Variants in MAST4 observed in about 807,000 individuals in gnomAD.
MAST4 encodes microtubule-associated serine/threonine-protein kinase 4.
MAST4 carries 89 observed loss-of-function variants against 162.7 expected under a neutral mutation model. The ratio of observed to expected loss-of-function variants is 0.55; its 90% confidence interval spans 0.46 to 0.65. MAST4 has a LOEUF of 0.65. MAST4 is among the 30% of genes least tolerant of loss of function. MAST4 has a pLI of 0.00. For missense variants in MAST4, 3,153 were observed against 3,374.0 expected, an observed-to-expected ratio of 0.93 and a Z score of 1.62; for synonymous variants, 1,479 against 1,361.1, an observed-to-expected ratio of 1.09 and a Z score of -1.91.
intron 1 of MAST4, among the ~76,000 whole-genome samples, chr5:66,720,576 T>C (rs148081990): frequency 8.5e-5 from 13 of 152,314 alleles, no homozygotes; most frequent in African/African-American, 2.9e-4. Context: ...TTATTTCCTA[T>C]GTTGTATAAT....
Position 66,600,145 on chromosome 5 carries a change from C to G in MAST4, c.363+3127C>G, listed in dbSNP as rs559117190. ...AAAGTCTCACACACTTAAGTCTACC[C>G]TTTAAGCTTTTGGTGTCTTAAAAAC... On this transcript the variant is annotated intron_variant, in intron 1 of 28. Transcript: ENST00000403625. 3.9e-5 allele frequency among the ~76,000 whole-genome samples: 6 copies of G among 152,308 alleles called. No individual in the cohort carries two copies. In the East Asian group the frequency reaches 7.7e-4, roughly 20 times the overall value.
intron 4 of MAST4, among the ~76,000 whole-genome samples, chr5:66,995,888 T>TACACACACACACACACAC (rs34561453): frequency 2.7e-5 from 4 of 147,236 alleles, no homozygotes; most frequent in African/African-American, 1.0e-4. Context: ...CACACTCACA[T>TACACACACACACACACAC]ACACACACAC....
At position 66,792,000 on chromosome 5, in the gene MAST4, C is replaced by G. The variant is rs1340241409; in HGVS notation, c.642+3206C>G. Among the ~76,000 whole-genome samples the G allele has an allele frequency of 3.3e-5, 5 of 152,166 alleles. No individual in the cohort carries two copies. The East Asian group carries it at 7.7e-4, about 24-fold the overall frequency. On this transcript the variant is annotated intron_variant, in intron 3 of 28. Transcript: ENST00000403625. ...TAGTGACCTTTCCTGCTTTTGGTAC[C>G]ACTTGTCGAACCACACAGCTAAAGG...
At chr5:66,750,994 C>T (rs1050168909) in intron 1 of MAST4, among the ~76,000 whole-genome samples, 2 of 152,158 alleles carry the variant, frequency 1.3e-5, no homozygotes, top group Admixed American at 1.3e-4. Flanking sequence ...GACCCCTGAC[C>T]CCCAAGCAGC....
chr5:66,719,886 G>A (rs962568000), intron 1 of MAST4, among the ~76,000 whole-genome samples: 1 of 152,086 alleles, frequency 6.6e-6, no homozygotes, highest in African/African-American at 2.4e-5. Flanking sequence ...TTATGCTCGA[G>A]AATTTTCAAG....
chr5:66,914,139 C>CA lies in MAST4; in HGVS notation c.674+14167dup, dbSNP rs1031059713. ...TGTAGGATCAGTTTGTCAGCTTCTA[C>CA]AAAAAAAAAAGCCTGTTGATATTTT... On this transcript the variant is annotated intron_variant, in intron 4 of 28. Coordinates refer to ENST00000403625, the MANE Select transcript of MAST4 (RefSeq NM_001164664.2). Among the ~76,000 whole-genome samples the CA allele has an allele frequency of 2.8e-3, 397 of 142,024 alleles. 2 individuals carry two copies. Among genetic ancestry groups the CA allele is most frequent in the Middle Eastern group, 7.1e-3 (2 of 282 alleles). The allele number at this position is 142,024 out of a possible 152,430, so 93.2% of individuals were successfully genotyped here. A position where few individuals can be genotyped will look rare whatever the true frequency, so the allele number is the denominator to read the frequency against.
chr5:66,867,929 TGTC>T (rs1760649064), intron 3 of MAST4, among the ~76,000 whole-genome samples: 2 of 152,340 alleles, frequency 1.3e-5, no homozygotes, highest in South Asian at 4.1e-4. Flanking sequence ...GTCTGAAGGC[TGTC>T]ATTTAGAAAA....
At chr5:66,929,613 T>C (rs557578651) in intron 4 of MAST4, among the ~76,000 whole-genome samples, 14 of 152,338 alleles carry the variant, frequency 9.2e-5, no homozygotes, top group African/African-American at 3.4e-4. Flanking sequence ...GCTAAAAGGA[T>C]ATACTTATCA....
intron 4 of MAST4, chr5:66,986,519 G>C (rs1189495083): frequency 6.5e-7 from 1 of 1,527,522 alleles, no homozygotes; most frequent in East Asian, 2.4e-5. Context: ...CATATCCAAA[G>C]CTCATATTGT....
At chr5:67,013,810 T>C (rs991605763) in intron 4 of MAST4, among the ~76,000 whole-genome samples, 20 of 152,312 alleles carry the variant, frequency 1.3e-4, no homozygotes, top group African/African-American at 4.8e-4. Flanking sequence ...GAAAAAATTA[T>C]GTTTGGCATG....
chr5:67,027,039 A>C (rs1303695016), intron 4 of MAST4, among the ~76,000 whole-genome samples: 4 of 152,168 alleles, frequency 2.6e-5, no homozygotes, highest in African/African-American at 9.6e-5. Context: ...ACATAAGATT[A>C]TTATCTTCAA....
intron 4 of MAST4, among the ~76,000 whole-genome samples, chr5:66,910,563 ATTC>A (rs1192041878): frequency 1.3e-5 from 2 of 152,078 alleles, no homozygotes; most frequent in Non-Finnish European, 2.9e-5. Context: ...TGAGATTTAA[ATTC>A]TTCTTTTACT....
chr5:67,025,796 A>G (rs762488228), intron 4 of MAST4, among the ~76,000 whole-genome samples: 1 of 152,198 alleles, frequency 6.6e-6, no homozygotes, highest in Non-Finnish European at 1.5e-5. Context: ...GAGTAGAGTA[A>G]TTATCACCCA....
At chr5:67,008,551 GA>G (rs1463023048) in intron 4 of MAST4, among the ~76,000 whole-genome samples, 2 of 152,208 alleles carry the variant, frequency 1.3e-5, no homozygotes, top group Admixed American at 1.3e-4. Flanking sequence ...TGAGAATCCA[GA>G]AGATGCTTGT....
intron 4 of MAST4, among the ~76,000 whole-genome samples, chr5:66,989,450 T>C (rs1445315589): frequency 6.6e-6 from 1 of 152,170 alleles, no homozygotes; most frequent in Non-Finnish European, 1.5e-5. Flanking sequence ...CTGAGGCATG[T>C]GGCAGCTCAG....
chr5:67,152,766 T>A lies in MAST4; in HGVS notation c.3425T>A (p.Ile1142Asn), dbSNP rs748456473. Residue 1142 changes from isoleucine (I) to asparagine (N), a missense_variant, in exon 25 of 29, where the codon ATT becomes AAT. This residue lies in a region of MAST4 where 619 missense variants were observed against 744.2 expected (regional missense o/e 0.83). Coordinates refer to ENST00000403625, the MANE Select transcript of MAST4 (RefSeq NM_001164664.2). ...GCTTCTGCCAGTCCACATCAGCCGA[T>A]TGTGATCCACAGTTCGGGGAAGAAC... ...SAASASPHQP[I>N]VIHSSGKNYG... 1.2e-6 allele frequency: 2 copies of A among 1,613,956 alleles called. No individual in the cohort carries two copies. Among genetic ancestry groups the A allele is most frequent in the African/African-American group, 2.7e-5 (2 of 74,956 alleles).
intron 4 of MAST4, among the ~76,000 whole-genome samples, chr5:67,044,211 T>C (rs1463245844): frequency 1.3e-5 from 2 of 152,214 alleles, no homozygotes; most frequent in African/African-American, 4.8e-5. Context: ...GGTAACACTC[T>C]TTAATGTGTG....
intron 4 of MAST4, among the ~76,000 whole-genome samples, chr5:66,912,906 A>G (rs1471763450): frequency 1.3e-5 from 2 of 152,194 alleles, no homozygotes; most frequent in Non-Finnish European, 2.9e-5. Context: ...ACTATTTAAT[A>G]TCATCTAGGC....
chr5:67,112,715 G>C (rs189861906), intron 11 of MAST4, among the ~76,000 whole-genome samples: 1 of 152,256 alleles, frequency 6.6e-6, no homozygotes, highest in Admixed American at 6.5e-5. Flanking sequence ...AACTCCACAC[G>C]TTCAGCTATC....
Sources: allele counts gnomAD v4.1 joint callset (sites outside exome capture counted in the v4.1 genomes callset), GRCh38; gene constraint gnomAD v4.1.1; regional missense constraint gnomAD v4.1.1; transcripts MANE v1.5; gene names NCBI Gene and HGNC (gene_info 2026-07-23, HGNC 2026-07-21).